The following PRDM16 variants were observed in gnomAD, a reference collection of about 807,000 sequenced individuals.
PRDM16 encodes the protein PR/SET domain 16, also known as histone-lysine N-methyltransferase PRDM16.
In PRDM16, 23 loss-of-function variants were observed where a neutral mutation model predicts 110.6. The ratio of observed to expected loss-of-function variants is 0.21; its 90% CI spans 0.15 to 0.29. The LOEUF is 0.29. Ranked by LOEUF, PRDM16 falls within the 10% of genes least tolerant of loss-of-function variation. The pLI is 1.00. For missense variants in PRDM16, 1,615 were observed against 1,794.3 expected (o/e 0.90, Z 1.81); for synonymous variants, 799 against 781.8 (o/e 1.02, Z -0.37).
chr1:3,203,467 T>C (rs1209586505), intron 2 of PRDM16, among the ~76,000 whole-genome samples: 1 of 152,216 alleles, frequency 6.6e-6, no homozygotes, highest in Admixed American at 6.5e-5. Flanking sequence ...CAAGGTGCCA[T>C]GTGCTGCATG....
chr1:3,148,416 G>A lies in PRDM16; in HGVS notation c.38-37709G>A, dbSNP rs1428093834. On this transcript the variant is annotated intron_variant, in intron 1 of 16. Transcript: ENST00000270722. The surrounding 1 kb of genome is among the most constrained non-coding windows in gnomAD (Gnocchi z 5.0). The stretch of plus-strand genomic sequence containing the variant: ...GCCAGAGGTGAGGAAGGAGCTGTCC[G>A]GCAGGGCTGGGCTGGGCTGGGTGTC... 8.5e-5 allele frequency among the ~76,000 whole-genome samples: 13 copies of A among 152,106 alleles called. No individual in the cohort carries two copies. The highest frequency in any genetic ancestry group is 2.0e-4 in the Admixed American group (3 of 15,274).
At chr1:3,139,336 G>A (rs1440309209) in intron 1 of PRDM16, among the ~76,000 whole-genome samples, 1 of 152,238 alleles carries the variant, frequency 6.6e-6, no homozygotes, top group Non-Finnish European at 1.5e-5. Flanking sequence ...GAAAGAGCAG[G>A]GCTGGGGCTG....
intron 1 of PRDM16, among the ~76,000 whole-genome samples, chr1:3,184,389 G>T (rs1418616241): frequency 6.6e-6 from 1 of 151,556 alleles, no homozygotes; most frequent in African/African-American, 2.4e-5. Flanking sequence ...CAACGACAGG[G>T]TGCGGGGCGG....
chr1:3,367,218 G>A (rs990639559), intron 3 of PRDM16, among the ~76,000 whole-genome samples: 20 of 152,172 alleles, frequency 1.3e-4, no homozygotes, highest in Admixed American at 2.6e-4. Context: ...GCAGCGAGCC[G>A]AGATGGCACC....
chr1:3,114,199 G>GCACGCGCGCACACA (rs1553127282), intron 1 of PRDM16, among the ~76,000 whole-genome samples: 2 of 110,444 alleles, frequency 1.8e-5, no homozygotes, highest in African/African-American at 7.4e-5. Context: ...ACACGCACAC[G>GCACGCGCGCACACA]CACGCACACA....
At chr1:3,155,111 A>C (rs1469593726) in intron 1 of PRDM16, among the ~76,000 whole-genome samples, 2 of 152,080 alleles carry the variant, frequency 1.3e-5, no homozygotes, top group Non-Finnish European at 2.9e-5. Context: ...CCGACCTCTC[A>C]GGGGCTCTGG....
intron 1 of PRDM16, among the ~76,000 whole-genome samples, chr1:3,141,251 T>C (rs952453016): frequency 2.6e-5 from 4 of 152,266 alleles, no homozygotes; most frequent in Non-Finnish European, 5.9e-5. Flanking sequence ...TCTGCCGTGA[T>C]GAATGCTTCT....
intron 1 of PRDM16, among the ~76,000 whole-genome samples, chr1:3,122,508 G>A (rs1321148989): frequency 6.6e-6 from 1 of 152,148 alleles, no homozygotes; most frequent in African/African-American, 2.4e-5. Flanking sequence ...CCTCCCCTGG[G>A]GCCCACCTGG....
At chr1:3,415,848 C>G (rs1212970682) in intron 10 of PRDM16, among the ~76,000 whole-genome samples, 1 of 152,220 alleles carries the variant, frequency 6.6e-6, no homozygotes, top group East Asian at 1.9e-4. Context: ...GTTGGGCTGT[C>G]ACTTGGGCAG....
chr1:3,104,726 G>GC (rs1447864613), intron 1 of PRDM16, among the ~76,000 whole-genome samples: 23 of 151,890 alleles, frequency 1.5e-4, no homozygotes, highest in East Asian at 7.7e-4. Flanking sequence ...CTTCCTTGGA[G>GC]CCCCCACCTC....
chr1:3,184,178 A>G lies in PRDM16; in HGVS notation c.38-1947A>G, dbSNP rs1004816. On this transcript the variant is annotated intron_variant, in intron 1 of 16. Coordinates refer to ENST00000270722, the MANE Select transcript of PRDM16 (RefSeq NM_022114.4). ...AAAGGACCCGTTGGCCACTTAAAAC[A>G]TAATAATTACTTCTCTGAATGCTGA... 3.3e-3 allele frequency among the ~76,000 whole-genome samples: 504 copies of G among 152,354 alleles called. 1 individual carries two copies. The highest frequency in any genetic ancestry group is 0.012 in the African/African-American group (482 of 41,572).
At chr1:3,407,527 G>C (rs1040901423) in intron 8 of PRDM16, among the ~76,000 whole-genome samples, 1 of 152,134 alleles carries the variant, frequency 6.6e-6, no homozygotes, top group Non-Finnish European at 1.5e-5. Flanking sequence ...GGGCTGGGGC[G>C]GGGGGTGACT....
chr1:3,170,314 T>C (rs1557499493), intron 1 of PRDM16, among the ~76,000 whole-genome samples: 1 of 152,144 alleles, frequency 6.6e-6, no homozygotes, highest in Non-Finnish European at 1.5e-5. Flanking sequence ...GGGTGAGGCT[T>C]CCAGAGAGGG....
chr1:3,330,941 CAG>C (rs935403565), intron 3 of PRDM16, among the ~76,000 whole-genome samples: 1 of 152,214 alleles, frequency 6.6e-6, no homozygotes, highest in African/African-American at 2.4e-5. Context: ...CTGCCAGGGT[CAG>C]GGGGTGAGGA....
chr1:3,336,947 GTC>G (rs1294500612), intron 3 of PRDM16, among the ~76,000 whole-genome samples: 8 of 149,592 alleles, frequency 5.3e-5, no homozygotes, highest in African/African-American at 1.5e-4. Context: ...GTTGGTGTGA[GTC>G]TGTGAGCACA....
intron 2 of PRDM16, among the ~76,000 whole-genome samples, chr1:3,221,729 ACACATG>A (rs1258158407): frequency 6.6e-6 from 1 of 152,164 alleles, no homozygotes; most frequent in Non-Finnish European, 1.5e-5. Context: ...GCACACACAT[ACACATG>A]CACAGACGCA....
chr1:3,125,802 C>T (rs1165589477), intron 1 of PRDM16, among the ~76,000 whole-genome samples: 3 of 152,188 alleles, frequency 2.0e-5, no homozygotes, highest in African/African-American at 4.8e-5. Context: ...GCGGCACAGG[C>T]GAGGCGCGGC....
intron 1 of PRDM16, among the ~76,000 whole-genome samples, chr1:3,172,257 G>A (rs1232702527): frequency 1.3e-5 from 2 of 152,186 alleles, no homozygotes; most frequent in Non-Finnish European, 2.9e-5. Context: ...TCCAGAAGGT[G>A]GAAGTGGCTT....
rs1205037383 is a variant in PRDM16 at position 3,175,326 on chromosome 1, G to A, written c.38-10799G>A. ...GGGTATACTCGGCAGAGATGTAGGTGTACAGAATCCTCTGTGAGGAATGGG... is the reference window on the plus strand; with the variant it reads ...GGGTATACTCGGCAGAGATGTAGGTATACAGAATCCTCTGTGAGGAATGGG... On this transcript the variant is annotated intron_variant, in intron 1 of 16. Transcript: ENST00000270722. This position sits in a 1 kb window ranked among gnomAD's most constrained non-coding sequence, Gnocchi z 4.8. Among the ~76,000 whole-genome samples the A allele has an allele frequency of 2.0e-5, 3 of 152,200 alleles. No individual in the cohort carries two copies. Among genetic ancestry groups the A allele is most frequent in the Non-Finnish European group, 4.4e-5 (3 of 68,032 alleles).
Sources: allele counts gnomAD v4.1 joint callset (sites outside exome capture counted in the v4.1 genomes callset), GRCh38; gene constraint gnomAD v4.1.1; non-coding constraint Gnocchi (gnomAD v3.1); transcripts MANE v1.5; gene names NCBI Gene and HGNC (gene_info 2026-07-23, HGNC 2026-07-21).